SEMA4D: variants seen among roughly 807,000 people sequenced by gnomAD.
SEMA4D encodes the protein semaphorin-4D.
In SEMA4D, 22 loss-of-function variants were observed where a neutral mutation model predicts 74.8. The ratio of observed to expected loss-of-function variants is 0.29; its 90% confidence interval spans 0.21 to 0.42. The LOEUF is 0.42. SEMA4D is among the 10% of genes least tolerant of loss of function. SEMA4D has a pLI of 1.00. For missense variants in SEMA4D, 937 were observed against 1,118.4 expected (o/e 0.84, Z 2.31); for synonymous variants, 445 against 463.7 (o/e 0.96, Z 0.52).
intron 1 of SEMA4D, among the ~76,000 whole-genome samples, chr9:89,457,502 C>T (rs570111198): frequency 4.1e-4 from 63 of 152,042 alleles, no homozygotes; most frequent in East Asian, 1.9e-4. Context: ...TTTGGGAGGC[C>T]GACATGGGAG....
At chr9:89,372,522 C>G (rs1233837470), downstream of SEMA4D, among the ~76,000 whole-genome samples, 1 of 151,884 alleles carries the variant, frequency 6.6e-6, no homozygotes, top group Non-Finnish European at 1.5e-5. Context: ...CAGTCCATCC[C>G]AGGGCCAACG....
At position 89,390,176 on chromosome 9, in the gene SEMA4D, G is replaced by A. The variant is rs2133150678; in HGVS notation, c.774+1088C>T. Among the ~76,000 whole-genome samples, 5 of 152,322 alleles carry A rather than the reference G, an allele frequency of 3.3e-5. No individual in the cohort carries two copies. In the South Asian group the frequency reaches 1.0e-3, roughly 32 times the overall value. ...AAGTCTGATCCTTGGCTTCCCGATGGCAGGGGAGGGCTCGAGTCCCCTGGC... is the reference window on the plus strand; with the variant it reads ...AAGTCTGATCCTTGGCTTCCCGATGACAGGGGAGGGCTCGAGTCCCCTGGC... On this transcript the variant is annotated intron_variant, in intron 9 of 15. Coordinates refer to ENST00000422704, the MANE Select transcript of SEMA4D (RefSeq NM_001371194.2).
In SEMA4D at chr9:89,402,902, T is replaced by C. The variant is rs949621536; in HGVS notation, c.221A>G (p.Asn74Ser). Residue 74 changes from asparagine to serine, a missense_variant, in exon 4 of 16, where the codon AAC (asparagine) becomes AGC (serine). Asn to Ser is a conservative substitution (Grantham distance 46). Transcript: ENST00000422704. ...CTGCTTCTCGGAGATGTTGAGTGCG[T>C]TCACAGCGAAGACCGCCTCCCGGGC... is the stretch of plus-strand genomic sequence containing the variant. The part of the protein sequence containing the change: ...IGAREAVFAV[N>S]ALNISEKQHE... 84 of 1,613,870 alleles carry C rather than the reference T, an allele frequency of 5.2e-5. No homozygotes were observed. Among genetic ancestry groups the C allele is most frequent in the Non-Finnish European group, 6.7e-5 (79 of 1,179,948 alleles).
chr9:89,479,235 AT>A (rs1862552242), intron 1 of SEMA4D, among the ~76,000 whole-genome samples: 1 of 152,160 alleles, frequency 6.6e-6, no homozygotes, highest in Non-Finnish European at 1.5e-5. Context: ...CACCCACCAC[AT>A]TCCACCAATC....
At chr9:89,471,178 G>C (rs527468620) in intron 1 of SEMA4D, among the ~76,000 whole-genome samples, 23 of 152,194 alleles carry the variant, frequency 1.5e-4, no homozygotes, top group Non-Finnish European at 2.6e-4. Flanking sequence ...GAGGTCCCTA[G>C]AGTAGTCAGT....
chr9:89,385,866 G>GGGGGGGGGGGCGGC, intron 13 of SEMA4D: 1 of 196,226 alleles, frequency 5.1e-6, no homozygotes, highest in Non-Finnish European at 9.0e-6. Context: ...CAGCGTGGAT[G>GGGGGGGGGGGCGGC]CCCGCCCACC....
chr9:89,409,882 G>A (rs1374837145), intron 2 of SEMA4D, among the ~76,000 whole-genome samples: 1 of 152,198 alleles, frequency 6.6e-6, no homozygotes, highest in East Asian at 1.9e-4. Context: ...TAAGAGTCCA[G>A]AGCCAGGAGA....
chr9:89,389,458 T>C (rs1158071993), intron 9 of SEMA4D, among the ~76,000 whole-genome samples: 1 of 152,172 alleles, frequency 6.6e-6, no homozygotes, highest in African/African-American at 2.4e-5. Flanking sequence ...GTGGGGCAAG[T>C]GGCGGCAGCC....
rs1388526006 is a variant in SEMA4D at position 89,397,468 on chromosome 9, G to C, written c.316-633C>G. Among the ~76,000 whole-genome samples the C allele has an allele frequency of 3.3e-5, 5 of 152,214 alleles. No homozygotes were observed. The East Asian group carries it at 9.6e-4, about 29-fold the overall frequency. ...CCCCATGGGAGTGGCTGCACTAGGAGAGCCTGGAGCCCGGCTTGGCATCAG... is the reference window on the plus strand; with the variant it reads ...CCCCATGGGAGTGGCTGCACTAGGACAGCCTGGAGCCCGGCTTGGCATCAG... On this transcript the variant is annotated intron_variant, in intron 5 of 15. Coordinates refer to ENST00000422704, the MANE Select transcript of SEMA4D (RefSeq NM_001371194.2).
chr9:89,361,483 T>C lies in SEMA4D; in HGVS notation c.*919A>G, dbSNP rs563415505. 2.6e-5 allele frequency: 4 copies of C among 152,326 alleles called. No individual in the cohort carries two copies. In the East Asian group the frequency reaches 5.8e-4, roughly 22 times the overall value. The allele number at this position is 152,326 out of a possible 1,614,324, so 9.4% of individuals were successfully genotyped here. On this transcript the variant is annotated 3_prime_UTR_variant, in exon 19 of 19. Transcript: ENST00000339861. ...GACAAGAAGAGACGTGTGTGTAAGATTAAAGGCTGAGTAGCTTTAGGACAA... is the reference window on the plus strand; with the variant it reads ...GACAAGAAGAGACGTGTGTGTAAGACTAAAGGCTGAGTAGCTTTAGGACAA...
intron 2 of SEMA4D, among the ~76,000 whole-genome samples, chr9:89,446,456 G>C (rs76204685): frequency 1.5e-3 from 228 of 152,320 alleles, no homozygotes; most frequent in Non-Finnish European, 2.5e-3. Flanking sequence ...GACTGACTGA[G>C]TGGCTCTGAA....
At chr9:89,389,851 T>C (rs1839415816) in intron 9 of SEMA4D, among the ~76,000 whole-genome samples, 1 of 152,238 alleles carries the variant, frequency 6.6e-6, no homozygotes, top group Non-Finnish European at 1.5e-5. Context: ...TAGCAAAGAA[T>C]AATTTCTAGC....
intron 2 of SEMA4D, among the ~76,000 whole-genome samples, chr9:89,406,216 C>T (rs147136001): frequency 1.5e-3 from 222 of 152,288 alleles, no homozygotes; most frequent in African/African-American, 5.1e-3. Context: ...CATATGTACA[C>T]ACACACATGC....
At chr9:89,371,521 G>T (rs1834786997) in intron 16 of SEMA4D, among the ~76,000 whole-genome samples, 1 of 70,540 alleles carries the variant, frequency 1.4e-5, no homozygotes, top group African/African-American at 5.7e-5. Flanking sequence ...TGTGTCTGGG[G>T]TGTGGTGTGT....
chr9:89,382,702 G>A (rs746769212), intron 13 of SEMA4D, among the ~76,000 whole-genome samples: 53 of 152,336 alleles, frequency 3.5e-4, no homozygotes, highest in Middle Eastern at 3.4e-3. Context: ...TGGAGGTGGC[G>A]GAAACATTCT....
intron 13 of SEMA4D, chr9:89,384,607 G>A: frequency 1.1e-6 from 1 of 946,432 alleles, no homozygotes; most frequent in Middle Eastern, 5.5e-4. Context: ...CCACTGACGT[G>A]CACAATGAAA....
intron 2 of SEMA4D, among the ~76,000 whole-genome samples, chr9:89,440,851 G>C (rs1355511885): frequency 6.6e-6 from 1 of 152,234 alleles, no homozygotes; most frequent in African/African-American, 2.4e-5. Context: ...GGTGCCAAGA[G>C]AACTACAGGA....
chr9:89,447,623 C>T (rs868681976), intron 2 of SEMA4D, among the ~76,000 whole-genome samples: 6 of 152,180 alleles, frequency 3.9e-5, no homozygotes, highest in African/African-American at 7.2e-5. Context: ...ACACCAGCAC[C>T]GCTCTCCCAG....
intron 2 of SEMA4D, among the ~76,000 whole-genome samples, chr9:89,455,519 C>A (rs1402557257): frequency 1.3e-5 from 2 of 152,192 alleles, no homozygotes; most frequent in Non-Finnish European, 2.9e-5. Flanking sequence ...ACAGTCCAGG[C>A]AGGGGCACCT....
Sources: allele counts gnomAD v4.1 joint callset (sites outside exome capture counted in the v4.1 genomes callset), GRCh38; gene constraint gnomAD v4.1.1; transcripts MANE v1.5; gene names NCBI Gene and HGNC (gene_info 2026-07-23, HGNC 2026-07-21).